Variants in MARCHF1 observed in about 807,000 individuals in gnomAD.
The protein encoded by MARCHF1 is membrane associated ring-CH-type finger 1, also known as E3 ubiquitin-protein ligase MARCHF1.
A neutral mutation model predicts 54.2 loss-of-function variants in MARCHF1; 40 were observed. The ratio of observed to expected loss-of-function variants is 0.74; its 90% CI spans 0.57 to 0.96. MARCHF1 has a LOEUF of 0.96. Ranked by LOEUF, MARCHF1 falls within the 40% of genes least tolerant of loss-of-function variation. The pLI is 0.00. For missense variants in MARCHF1, 586 were observed against 656.5 expected, an observed-to-expected ratio of 0.89 and a Z score of 1.17; for synonymous variants, 236 against 236.3, an observed-to-expected ratio of 1.00 and a Z score of 0.01.
intron 4 of MARCHF1, among the ~76,000 whole-genome samples, chr4:163,795,442 C>T (rs534406212): frequency 1.1e-3 from 163 of 152,236 alleles, no homozygotes; most frequent in African/African-American, 3.8e-3. Context: ...GTTGGCCAGG[C>T]TGGTCTCGAA....
At position 164,068,644 on chromosome 4, in the gene MARCHF1, C is replaced by T. The variant is rs1579507424; in HGVS notation, c.-248+42944G>A. ...CCATGCCTGAGCCTCCCCCACCTGC[C>T]ATGGGCTCATGCGCAGACTGAGCCT... On this transcript the variant is annotated intron_variant, in intron 2 of 9. Coordinates refer to ENST00000514618, the MANE Select transcript of MARCHF1 (RefSeq NM_001394959.1). Among the ~76,000 whole-genome samples, 11 of 152,286 alleles carry T rather than the reference C, an allele frequency of 7.2e-5. 1 individual carries two copies. The South Asian group carries it at 2.3e-3, about 32-fold the overall frequency.
intron 1 of MARCHF1, among the ~76,000 whole-genome samples, chr4:164,304,201 G>T (rs1210063841): frequency 6.6e-6 from 1 of 152,136 alleles, no homozygotes; most frequent in African/African-American, 2.4e-5. Flanking sequence ...TAACCAAAGG[G>T]AGAAAAACAA....
intron 8 of MARCHF1, among the ~76,000 whole-genome samples, chr4:163,549,193 C>T (rs1281131675): frequency 6.6e-6 from 1 of 152,216 alleles, no homozygotes; most frequent in Non-Finnish European, 1.5e-5. Flanking sequence ...TTTGTAAATT[C>T]TTGAGCTCCG....
At chr4:164,150,687 A>C (rs1729910126) in intron 1 of MARCHF1, among the ~76,000 whole-genome samples, 1 of 152,194 alleles carries the variant, frequency 6.6e-6, no homozygotes, top group African/African-American at 2.4e-5. Flanking sequence ...CATTTCAACA[A>C]GACATGAAAA....
At chr4:164,122,775 C>A (rs2915258) in intron 1 of MARCHF1, among the ~76,000 whole-genome samples, 1 of 152,016 alleles carries the variant, frequency 6.6e-6, no homozygotes. Context: ...GAACCCCAGG[C>A]CATATACCCC....
At chr4:164,284,843 T>C (rs1404721829) in intron 1 of MARCHF1, among the ~76,000 whole-genome samples, 1 of 151,178 alleles carries the variant, frequency 6.6e-6, no homozygotes, top group East Asian at 2.0e-4. Context: ...CGATACAACA[T>C]GAAAAAATTA....
intron 1 of MARCHF1, among the ~76,000 whole-genome samples, chr4:164,186,838 T>C (rs1489756067): frequency 6.6e-6 from 1 of 152,174 alleles, no homozygotes; most frequent in Non-Finnish European, 1.5e-5. Context: ...GACAGGGCAT[T>C]GAAGGTGTGT....
intron 3 of MARCHF1, among the ~76,000 whole-genome samples, chr4:163,892,277 CATTT>C (rs1329801118): frequency 1.3e-5 from 2 of 152,030 alleles, no homozygotes; most frequent in Non-Finnish European, 2.9e-5. Flanking sequence ...TTTATTAATT[CATTT>C]AAGTTTTCAT....
chr4:164,319,757 G>T (rs1735093150), intron 1 of MARCHF1, among the ~76,000 whole-genome samples: 1 of 152,098 alleles, frequency 6.6e-6, no homozygotes, highest in African/African-American at 2.4e-5. Flanking sequence ...TGTATTTGAG[G>T]TAGTGGTCTT....
intron 8 of MARCHF1, among the ~76,000 whole-genome samples, chr4:163,553,580 C>T (rs950154720): frequency 6.6e-6 from 1 of 152,158 alleles, no homozygotes; most frequent in Non-Finnish European, 1.5e-5. Flanking sequence ...AAAGATGGCA[C>T]AATGATGGCT....
chr4:163,828,592 T>C (rs1435941528), intron 4 of MARCHF1, among the ~76,000 whole-genome samples: 1 of 152,122 alleles, frequency 6.6e-6, no homozygotes, highest in Non-Finnish European at 1.5e-5. Flanking sequence ...AATAAGGAGG[T>C]ATTTACATTA....
At chr4:163,573,670 C>A (rs1426127051) in intron 8 of MARCHF1, among the ~76,000 whole-genome samples, 1 of 151,992 alleles carries the variant, frequency 6.6e-6, no homozygotes, top group South Asian at 2.1e-4. Flanking sequence ...GCATAGTATT[C>A]TATGGTGTAT....
chr4:164,181,918 T>C (rs1298108437), intron 1 of MARCHF1, among the ~76,000 whole-genome samples: 1 of 152,182 alleles, frequency 6.6e-6, no homozygotes, highest in Non-Finnish European at 1.5e-5. Flanking sequence ...TCTCTGAATA[T>C]AGACAAAATT....
At chr4:164,127,937 C>A (rs1233363015) in intron 1 of MARCHF1, among the ~76,000 whole-genome samples, 3 of 152,026 alleles carry the variant, frequency 2.0e-5, no homozygotes, top group Non-Finnish European at 4.4e-5. Context: ...GGGGGCTTAG[C>A]CCCAGCAAAC....
intron 1 of MARCHF1, among the ~76,000 whole-genome samples, chr4:164,151,403 G>T (rs986506048): frequency 6.6e-6 from 1 of 152,146 alleles, no homozygotes; most frequent in Non-Finnish European, 1.5e-5. Flanking sequence ...TTCTCAGACA[G>T]AACTTTATTC....
At chr4:163,767,138 A>T (rs899745119) in intron 4 of MARCHF1, among the ~76,000 whole-genome samples, 1 of 151,448 alleles carries the variant, frequency 6.6e-6, no homozygotes, top group Admixed American at 6.6e-5. Flanking sequence ...CCAAGGATAT[A>T]AAGCCTGTAG....
intron 1 of MARCHF1, among the ~76,000 whole-genome samples, chr4:164,176,970 CTCTCTCTCTCTATATATATATATA>C (rs1162407305): frequency 8.0e-4 from 46 of 57,436 alleles, no homozygotes; most frequent in African/African-American, 3.1e-3. Context: ...CTCTCTCTCT[CTCTCTCTCTCTATATATATATATA>C]TATATATATA....
intron 2 of MARCHF1, among the ~76,000 whole-genome samples, chr4:164,070,627 T>C (rs1038796255): frequency 4.6e-5 from 7 of 152,206 alleles, no homozygotes; most frequent in Non-Finnish European, 7.3e-5. Context: ...ATAAATTACA[T>C]GCTCAACCTA....
chr4:163,615,776 T>C (rs1203334716), intron 5 of MARCHF1, among the ~76,000 whole-genome samples: 6 of 152,058 alleles, frequency 3.9e-5, no homozygotes, highest in Non-Finnish European at 8.8e-5. Context: ...CAAAGCAATG[T>C]TGAGCAAAAA....
Sources: gnomAD v4.1 joint callset for allele counts (sites outside exome capture counted in the v4.1 genomes callset) on GRCh38, gnomAD v4.1.1 for gene constraint, MANE v1.5 for transcripts, NCBI Gene and HGNC (gene_info 2026-07-23, HGNC 2026-07-21) for gene names.